The following COL6A3 variants were observed in gnomAD, a reference collection of about 807,000 sequenced individuals.
COL6A3 encodes the protein collagen type VI alpha 3 chain.
COL6A3 carries 137 observed loss-of-function variants against 274.1 expected under a neutral mutation model. The ratio of observed to expected loss-of-function variants is 0.50; its 90% CI spans 0.44 to 0.58. The LOEUF (loss-of-function observed/expected upper bound fraction) is 0.58. Among genes scored for constraint, COL6A3 ranks in the 20% least tolerant of loss-of-function variants. The pLI is 0.00. For synonymous variants in COL6A3, 1,650 were observed against 1,650.6 expected (o/e 1.00, Z 0.01); for missense variants, 3,950 against 4,124.9 (o/e 0.96, Z 1.16).
rs2077925266 is a variant in COL6A3 at position 237,378,916 on chromosome 2, G to T, written c.2217C>A (p.Ile739=). The change falls in exon 6 of 44, where the codon ATC becomes ATA. Residue 739 remains isoleucine (I), a synonymous_variant. Transcript: ENST00000295550. ...NHFTEAGGSR[I]REHVPQLLLL... is the part of the protein sequence containing the mutation. ...GCAGGAGCTGCGGCACGTGTTCACG[G>T]ATCCTGCTGCCGCCAGCTTCCGTGA... is the stretch of plus-strand genomic sequence containing the variant. 2.5e-6 allele frequency: 4 copies of T among 1,614,112 alleles called. No individual in the cohort carries two copies. In the African/African-American group the frequency reaches 4.0e-5, roughly 16 times the overall value.
rs1229074438 is a variant in COL6A3, at chr2:237,351,033, A to C, written c.6816+97T>G. ...GCTGGAGTGGGAACCAGTAGTACTG[A>C]AGAGGAGGGACAGACAGACTGACCA... is the stretch of plus-strand genomic sequence containing the variant. On this transcript the variant is annotated intron_variant, in intron 27 of 43. Coordinates refer to ENST00000295550, the MANE Select transcript of COL6A3 (RefSeq NM_004369.4). 5.9e-6 allele frequency: 7 copies of C among 1,191,082 alleles called. No homozygotes were observed. In the Admixed American group the frequency reaches 1.2e-4, roughly 20 times the overall value. 73.8% of individuals were successfully genotyped at this position (1,191,082 alleles called of 1,614,324 possible). A position where few individuals can be genotyped will look rare whatever the true frequency, so the allele number is the denominator to read the frequency against.
At chr2:237,325,403 C>T (rs777275671) in intron 43 of COL6A3, among the ~76,000 whole-genome samples, 157 bp downstream of exon 43, 2 of 152,154 alleles carry the variant, frequency 1.3e-5, no homozygotes, top group African/African-American at 4.8e-5. Context: ...AAAGACATTT[C>T]ATGGGTTGTA....
At chr2:237,367,390 A>T in intron 10 of COL6A3, 104 bp from the exon 11 acceptor site, 1 of 1,379,486 alleles carries the variant, frequency 7.2e-7, no homozygotes, top group Non-Finnish European at 9.8e-7. Flanking sequence ...CATTCCTAAT[A>T]ATTTATTCAC....
intron 7 of COL6A3, among the ~76,000 whole-genome samples, chr2:237,376,050 T>C (rs1274696934): frequency 6.6e-6 from 1 of 152,136 alleles, no homozygotes; most frequent in Non-Finnish European, 1.5e-5. Context: ...ATTTTATCGA[T>C]GGGAGGTTTC....
At position 237,381,056 on chromosome 2, in the gene COL6A3, C is replaced by G; in HGVS notation, c.1756G>C (p.Gly586Arg). 2 of 1,614,218 alleles carry G rather than the reference C, an allele frequency of 1.2e-6. No homozygotes were observed. The highest frequency in any genetic ancestry group is 1.7e-6 in the Non-Finnish European group (2 of 1,180,040). ...SIMAFAIGNKGADQAELEEIA... is the reference protein window; with the variant it reads ...SIMAFAIGNKRADQAELEEIA... ...TCTTCCAGCTCAGCCTGATCGGCAC[C>G]CTTGTTCCCAATGGCAAAGGCCATT... is the stretch of plus-strand genomic sequence containing the variant. Residue 586 changes from glycine (G) to arginine (R), a missense_variant, in exon 5 of 44, where the codon GGT (glycine) becomes CGT (arginine). By Grantham distance (125) the Gly-to-Arg change is moderately radical. This residue lies in a region of COL6A3 where 1,934 missense variants were observed against 1,984.3 expected (regional missense o/e 0.97). Transcript: ENST00000295550.
chr2:237,385,753 G>A (rs1420139362), intron 4 of COL6A3, among the ~76,000 whole-genome samples: 1 of 152,216 alleles, frequency 6.6e-6, no homozygotes, highest in African/African-American at 2.4e-5. Flanking sequence ...ATGATGGAAT[G>A]AGCATGAGCA....
intron 3 of COL6A3, among the ~76,000 whole-genome samples, chr2:237,392,910 C>T (rs1044775750): frequency 1.3e-5 from 2 of 152,170 alleles, no homozygotes; most frequent in South Asian, 2.1e-4. Context: ...TCCAGCCCCG[C>T]GATTGGCCCT....
At chr2:237,357,147 G>A (rs1049932309) in intron 23 of COL6A3, 191 bp downstream of exon 23, 2 of 717,696 alleles carry the variant, frequency 2.8e-6, no homozygotes, top group South Asian at 1.6e-5. Context: ...GCAAGAATTG[G>A]GGAGAGAGAA....
Position 237,367,154 on chromosome 2 carries a change from A to C in COL6A3, c.5033T>G (p.Val1678Gly). ...GTCAGAGTTGTACTGGACAAGCCCC[A>C]CTTGGATGGAGTCGCCATCTTCATA... ...TVYEDGDSIQ[V>G]GLVQYNSDPT... Residue 1678 changes from valine to glycine, a missense_variant, in exon 11 of 44, where the codon GTG becomes GGG. Val to Gly is a moderately radical substitution (Grantham distance 109). Transcript: ENST00000295550. 6.2e-7 allele frequency: 1 copy of C among 1,614,202 alleles called. No individual in the cohort carries two copies. The highest frequency in any genetic ancestry group is 8.5e-7 in the Non-Finnish European group (1 of 1,180,038).
chr2:237,400,454 A>T (rs879447951), intron 1 of COL6A3, among the ~76,000 whole-genome samples: 8 of 152,202 alleles, frequency 5.3e-5, no homozygotes, highest in Middle Eastern at 3.2e-3. Flanking sequence ...ACTACATGAG[A>T]TCTGTAAGAA....
chr2:237,367,384 C>A (rs1051940304), intron 10 of COL6A3, 98 bp from the exon 11 acceptor site: 4 of 1,406,294 alleles, frequency 2.8e-6, no homozygotes, highest in Non-Finnish European at 3.8e-6. Context: ...ATAAGACATT[C>A]CTAATAATTT....
Position 237,324,804 on chromosome 2 carries a change from T to C in COL6A3, c.9504A>G (p.Lys3168=), listed in dbSNP as rs1008454322. The C allele has an allele frequency of 1.9e-6, 3 of 1,613,514 alleles. No individual in the cohort carries two copies. Among genetic ancestry groups the C allele is most frequent in the Middle Eastern group, 1.6e-4 (1 of 6,082 alleles). Residue 3168 remains lysine (K), a synonymous_variant, in exon 44 of 44, where the codon AAA becomes AAG. Transcript: ENST00000295550. ...TTCCCATCACACTGATGACTCCGGG[T>C]TTGGCGAGCACTGAGCGTCGAGAGA... ...CEKVCAPVLA[K]PGVISVMGT is the part of the protein sequence containing the mutation.
intron 6 of COL6A3, 114 bp from the exon 7 acceptor site, chr2:237,377,458 A>G: frequency 1.0e-6 from 1 of 1,002,986 alleles, no homozygotes; most frequent in African/African-American, 1.6e-5. Context: ...TCTGATGACC[A>G]CTGTGCCAGC....
intron 4 of COL6A3, among the ~76,000 whole-genome samples, chr2:237,383,271 G>A (rs1189587716): frequency 2.0e-5 from 3 of 152,218 alleles, no homozygotes; most frequent in Non-Finnish European, 2.9e-5. Context: ...AGGGTAACAT[G>A]TTATGCACCA....
Position 237,341,057 on chromosome 2 carries a change from A to G in COL6A3, c.7859T>C (p.Met2620Thr). 1 of 1,614,196 alleles carries G rather than the reference A, an allele frequency of 6.2e-7. No individual in the cohort carries two copies. The stretch of plus-strand genomic sequence containing the variant: ...CTCAGCGCTGTCTAAGATGAAAGCC[A>G]TGTCGATGTCCACATCGCTCCCTGC... ...RAAGSDVDIDMAFILDSAETT... is the reference protein window; with the variant it reads ...RAAGSDVDIDTAFILDSAETT... Residue 2620 changes from methionine (M) to threonine (T), a missense_variant, in exon 38 of 44, where the codon ATG (methionine) becomes ACG (threonine). By Grantham distance (81) the Met-to-Thr change is moderately conservative (BLOSUM62 -1). Transcript: ENST00000295550.
intron 1 of COL6A3, among the ~76,000 whole-genome samples, chr2:237,410,151 A>T (rs2078819099): frequency 6.6e-6 from 1 of 152,054 alleles, no homozygotes; most frequent in Non-Finnish European, 1.5e-5. Flanking sequence ...GTTACTACAA[A>T]CCCTGAAACT....
At chr2:237,397,001 T>C (rs1235171231) in intron 1 of COL6A3, among the ~76,000 whole-genome samples, 154 bp from the exon 2 acceptor site, 1 of 143,404 alleles carries the variant, frequency 7.0e-6, no homozygotes, top group Non-Finnish European at 1.5e-5. Context: ...GGATGGATGA[T>C]AGACAGTTAG....
chr2:237,369,841 C>CT lies in COL6A3; in HGVS notation c.4286-665dup, dbSNP rs869189733. On this transcript the variant is annotated intron_variant, in intron 9 of 43. Transcript: ENST00000295550. ...ATTATTCCTCTATTTCCTTTTCTTTCTTTTTTTTTTTTCTGAGACATGGTC... is the reference window on the plus strand; with the variant it reads ...ATTATTCCTCTATTTCCTTTTCTTTCTTTTTTTTTTTTTCTGAGACATGGTC... Among the ~76,000 whole-genome samples the CT allele has an allele frequency of 7.2e-3, 1,054 of 145,884 alleles. 4 individuals carry two copies. Among genetic ancestry groups the CT allele is most frequent in the African/African-American group, 0.023 (902 of 40,042 alleles).
intron 6 of COL6A3, 135 bp from the exon 7 acceptor site, chr2:237,377,479 A>G: frequency 1.2e-6 from 1 of 830,740 alleles, no homozygotes; most frequent in East Asian, 2.6e-5. Flanking sequence ...AAGAGAAGAG[A>G]AAACCCAAAT....
Sources: gnomAD v4.1 joint callset for allele counts (sites outside exome capture counted in the v4.1 genomes callset) on GRCh38, gnomAD v4.1.1 for gene constraint, gnomAD v4.1.1 regional missense constraint, MANE v1.5 for transcripts, NCBI Gene and HGNC (gene_info 2026-07-23, HGNC 2026-07-21) for gene names.